TLN2: variants seen among roughly 807,000 people sequenced by gnomAD.
TLN2 encodes talin-2.
A neutral mutation model predicts 294.7 loss-of-function variants in TLN2; 118 were observed. The observed-to-expected ratio is 0.40, with a 90% CI of 0.34 to 0.47. The LOEUF is 0.47. Among genes scored for constraint, TLN2 ranks in the 20% least tolerant of loss-of-function variants. The pLI is 0.84. For missense variants in TLN2, 3,083 were observed against 3,282.2 expected (o/e 0.94, Z 1.48); for synonymous variants, 1,431 against 1,304.5 (o/e 1.10, Z -2.09).
At chr15:62,559,715 T>C (rs1241218003) in intron 1 of TLN2, among the ~76,000 whole-genome samples, 4 of 152,216 alleles carry the variant, frequency 2.6e-5, no homozygotes, top group Admixed American at 2.6e-4. Flanking sequence ...GGAAGTTTCC[T>C]GTATGCTTTT....
At chr15:62,472,410 G>A (rs754386138) in intron 1 of TLN2, among the ~76,000 whole-genome samples, 5 of 152,142 alleles carry the variant, frequency 3.3e-5, no homozygotes, top group Non-Finnish European at 5.9e-5. Flanking sequence ...GCAGGGATGC[G>A]GCTCCCTTCG....
chr15:62,597,239 T>C (rs1596296621), intron 2 of TLN2, among the ~76,000 whole-genome samples: 1 of 152,354 alleles, frequency 6.6e-6, no homozygotes, highest in Middle Eastern at 3.4e-3. Flanking sequence ...TTTTATATTC[T>C]GTTCTTCAAT....
intron 9 of TLN2, among the ~76,000 whole-genome samples, chr15:62,661,753 G>C (rs1019580095): frequency 6.6e-6 from 1 of 152,130 alleles, no homozygotes; most frequent in Non-Finnish European, 1.5e-5. Flanking sequence ...AAGTTTAAAT[G>C]CATTGAAACT....
At chr15:62,806,186 C>T (rs892083686) in intron 51 of TLN2, among the ~76,000 whole-genome samples, 1 of 151,932 alleles carries the variant, frequency 6.6e-6, no homozygotes, top group Non-Finnish European at 1.5e-5. Context: ...GAGCAAAACC[C>T]TGTCCGTTTA....
Position 62,697,714 on chromosome 15 carries a change from A to T in TLN2, c.1319A>T (p.Asn440Ile). 6.2e-7 allele frequency: 1 copy of T among 1,602,662 alleles called. No individual in the cohort carries two copies. The highest frequency in any genetic ancestry group is 1.1e-5 in the South Asian group (1 of 90,626). ...KKSTILQQQF[N>I]RTGKAEHGSV... ...TCCACCATCTTGCAGCAGCAGTTCA[A>T]CCGGACCGGGAAGGCAGAGCACGGC... is the stretch of plus-strand genomic sequence containing the variant. The change falls in exon 15 of 59, where the codon AAC becomes ATC. Residue 440 changes from asparagine to isoleucine, a missense_variant. By Grantham distance (149) the Asn-to-Ile change is moderately radical (BLOSUM62 -3). Coordinates refer to ENST00000636159, the MANE Select transcript of TLN2 (RefSeq NM_015059.3).
chr15:62,789,021 G>GT (rs752620439), intron 45 of TLN2, among the ~76,000 whole-genome samples: 56 of 152,302 alleles, frequency 3.7e-4, no homozygotes, highest in East Asian at 1.2e-3. Flanking sequence ...GCCCAAAGGG[G>GT]TGAAACATTG....
chr15:62,477,513 C>G (rs1029847770), intron 1 of TLN2, among the ~76,000 whole-genome samples: 1 of 152,132 alleles, frequency 6.6e-6, no homozygotes, highest in Non-Finnish European at 1.5e-5. Flanking sequence ...TCACCTGCAT[C>G]TATGTGCTTG....
rs200114667 is a variant in TLN2 at position 62,836,058 on chromosome 15, C to T, written c.7359C>T (p.Ala2453=). The change falls in exon 57 of 59, where the codon GCC becomes GCT. Residue 2453 remains alanine (A), a synonymous_variant. Coordinates refer to ENST00000636159, the MANE Select transcript of TLN2 (RefSeq NM_015059.3). Reference sequence around the variant, plus strand: ...TGAAGGCCGACCAGGATTCAGAGGCCATGAGGCGGCTACAGGTAATGGTCA... The same window carrying T: ...TGAAGGCCGACCAGGATTCAGAGGCTATGAGGCGGCTACAGGTAATGGTCA... ...CKVKADQDSE[A]MRRLQAAGNA... 108 of 1,610,528 alleles carry T rather than the reference C, an allele frequency of 6.7e-5. No homozygotes were observed. In the East Asian group the frequency reaches 2.3e-3, roughly 35 times the overall value.
chr15:62,577,791 C>T (rs2044559668), intron 1 of TLN2, among the ~76,000 whole-genome samples: 1 of 152,148 alleles, frequency 6.6e-6, no homozygotes, highest in Non-Finnish European at 1.5e-5. Flanking sequence ...TTTGCTGCAC[C>T]CATCAACTCG....
At chr15:62,556,562 G>A (rs1460743113) in intron 1 of TLN2, among the ~76,000 whole-genome samples, 1 of 152,014 alleles carries the variant, frequency 6.6e-6, no homozygotes, top group Non-Finnish European at 1.5e-5. Context: ...GCCTCCTACG[G>A]TGCTGGAATT....
intron 1 of TLN2, among the ~76,000 whole-genome samples, chr15:62,406,274 A>G (rs2033399188): frequency 6.6e-6 from 1 of 152,156 alleles, no homozygotes; most frequent in Non-Finnish European, 1.5e-5. Flanking sequence ...TGTTTCTTGT[A>G]GAAGGGCATC....
chr15:62,408,458 C>T (rs540968633), intron 1 of TLN2, among the ~76,000 whole-genome samples: 50 of 152,184 alleles, frequency 3.3e-4, no homozygotes, highest in Non-Finnish European at 3.2e-4. Context: ...TTAGAGCAAG[C>T]AGCCCAATAT....
chr15:62,811,436 A>C (rs1177558947), intron 52 of TLN2, among the ~76,000 whole-genome samples: 1 of 152,256 alleles, frequency 6.6e-6, no homozygotes, highest in African/African-American at 2.4e-5. Context: ...GGTTAAAGAC[A>C]GTAACACCAG....
At chr15:62,401,686 G>C (rs940034844) in intron 1 of TLN2, among the ~76,000 whole-genome samples, 2 of 152,092 alleles carry the variant, frequency 1.3e-5, no homozygotes, top group African/African-American at 4.8e-5. Flanking sequence ...CTCATTCTTT[G>C]GAGATTTTAG....
intron 2 of TLN2, among the ~76,000 whole-genome samples, chr15:62,606,702 A>G (rs2047477801): frequency 6.6e-6 from 1 of 152,178 alleles, no homozygotes; most frequent in Admixed American, 6.5e-5. Flanking sequence ...GTAACTGGGA[A>G]CAATACTTCA....
At chr15:62,409,099 T>G (rs933608490) in intron 1 of TLN2, among the ~76,000 whole-genome samples, 12 of 152,042 alleles carry the variant, frequency 7.9e-5, no homozygotes, top group African/African-American at 2.7e-4. Flanking sequence ...TGCTTCAGCC[T>G]CCTAAGTAGC....
intron 54 of TLN2, among the ~76,000 whole-genome samples, chr15:62,827,190 GCCAAGAAAAAGA>G (rs1403842050): frequency 4.6e-5 from 7 of 152,146 alleles, no homozygotes; most frequent in Admixed American, 2.0e-4. Context: ...ATAAGAAAAG[GCCAAGAAAAAGA>G]CCATGGGAGG....
At chr15:62,557,782 C>T (rs1262842179) in intron 1 of TLN2, among the ~76,000 whole-genome samples, 2 of 152,176 alleles carry the variant, frequency 1.3e-5, no homozygotes, top group Non-Finnish European at 2.9e-5. Flanking sequence ...CTCAAGTGAT[C>T]CACCCACCTT....
chr15:62,517,034 C>T (rs1214490904), intron 1 of TLN2, among the ~76,000 whole-genome samples: 1 of 152,216 alleles, frequency 6.6e-6, no homozygotes, highest in African/African-American at 2.4e-5. Flanking sequence ...CACCTCCTCA[C>T]TGTTACTATT....
Sources: allele counts gnomAD v4.1 joint callset (sites outside exome capture counted in the v4.1 genomes callset), GRCh38; gene constraint gnomAD v4.1.1; transcripts MANE v1.5; gene names NCBI Gene and HGNC (gene_info 2026-07-23, HGNC 2026-07-21).